The following PTPRZ1 variants were observed in gnomAD, a reference collection of about 807,000 sequenced individuals.
PTPRZ1 encodes protein tyrosine phosphatase receptor type Z1.
A neutral mutation model predicts 214.1 loss-of-function variants in PTPRZ1; 82 were observed. The ratio of observed to expected loss-of-function variants is 0.38; its 90% CI spans 0.32 to 0.46. The LOEUF (loss-of-function observed/expected upper bound fraction) is 0.46, where lower values mean the gene tolerates loss of function less well. Ranked by LOEUF, PTPRZ1 falls within the 20% of genes least tolerant of loss-of-function variation. The pLI, the probability that PTPRZ1 is intolerant of heterozygous loss-of-function variation, is 1.00. For synonymous variants in PTPRZ1, 945 were observed against 987.9 expected (o/e 0.96, Z 0.81); for missense variants, 2,603 against 2,748.7 (o/e 0.95, Z 1.19).
chr7:121,984,224 T>A, intron 8 of PTPRZ1, 107 bp downstream of exon 8: 1 of 985,682 alleles, frequency 1.0e-6, no homozygotes, highest in Non-Finnish European at 1.4e-6. Flanking sequence ...AGAAATGTTT[T>A]AATTATTAAT....
chr7:121,920,211 A>G (rs1490006401), intron 1 of PTPRZ1, among the ~76,000 whole-genome samples: 1 of 152,182 alleles, frequency 6.6e-6, no homozygotes, highest in Non-Finnish European at 1.5e-5. Context: ...CCCCAATCAG[A>G]AAGGGGCACA....
intron 2 of PTPRZ1, among the ~76,000 whole-genome samples, chr7:121,928,721 T>G (rs1005690362): frequency 6.6e-6 from 1 of 152,238 alleles, no homozygotes. Context: ...ATTACTGTTG[T>G]TAATTTATTG....
chr7:122,012,184 A>G lies in PTPRZ1; in HGVS notation c.3138A>G (p.Ile1046Met), dbSNP rs779965554. 4 of 1,613,964 alleles carry G rather than the reference A, an allele frequency of 2.5e-6. No individual in the cohort carries two copies. Among genetic ancestry groups the G allele is most frequent in the Non-Finnish European group, 3.4e-6 (4 of 1,179,852 alleles). The change falls in exon 12 of 30, where the codon ATA becomes ATG. Residue 1046 changes from isoleucine (I) to methionine (M), a missense_variant. By Grantham distance (10) the Ile-to-Met change is conservative. This residue lies in a region of PTPRZ1 where 1,913 missense variants were observed against 1,914.3 expected (regional missense o/e 1.00). Transcript: ENST00000393386. ...ATAAGGCGCTTTCTAAAAGTGAAATAATATATGGAAATGAGACTGAACTGC... is the reference window on the plus strand; with the variant it reads ...ATAAGGCGCTTTCTAAAAGTGAAATGATATATGGAAATGAGACTGAACTGC... ...DDNKALSKSE[I>M]IYGNETELQI... is the part of the protein sequence containing the mutation.
intron 1 of PTPRZ1, among the ~76,000 whole-genome samples, chr7:121,885,959 G>A (rs1267854222): frequency 1.3e-5 from 2 of 152,110 alleles, no homozygotes; most frequent in African/African-American, 4.8e-5. Context: ...ACCCTTTTAT[G>A]GTGACATGGG....
At chr7:121,923,445 T>TATCTGAAATAC (rs1488887535) in intron 1 of PTPRZ1, among the ~76,000 whole-genome samples, 2 of 152,188 alleles carry the variant, frequency 1.3e-5, no homozygotes, top group Admixed American at 6.5e-5. Context: ...TTATTTTTCT[T>TATCTGAAATAC]AGGAGCACTG....
Position 122,012,484 on chromosome 7 carries a change from A to G in PTPRZ1, c.3438A>G (p.Ala1146=), listed in dbSNP as rs772672305. 6.2e-7 allele frequency: 1 copy of G among 1,614,092 alleles called. No individual in the cohort carries two copies. The highest frequency in any genetic ancestry group is 8.5e-7 in the Non-Finnish European group (1 of 1,180,000). ...CTTCGCTTAAACCTGTGCTTAGTGC[A>G]AACTCAGAGCCAGCATCCTCTGACC... ...GDTSLKPVLS[A]NSEPASSDPA... Residue 1146 remains alanine, a synonymous_variant, in exon 12 of 30, where the codon GCA becomes GCG. Transcript: ENST00000393386.
At chr7:121,924,590 A>G (rs1005577070) in intron 1 of PTPRZ1, among the ~76,000 whole-genome samples, 1 of 152,222 alleles carries the variant, frequency 6.6e-6, no homozygotes, top group Non-Finnish European at 1.5e-5. Flanking sequence ...TTCATTGTGT[A>G]GGGATAAAAC....
intron 2 of PTPRZ1, among the ~76,000 whole-genome samples, chr7:121,941,434 G>T (rs144999172): frequency 7.0e-4 from 106 of 152,272 alleles, no homozygotes; most frequent in Non-Finnish European, 1.3e-3. Context: ...AAAACTTCTG[G>T]TTCCAAAGCC....
At chr7:121,878,614 G>C (rs1794137061) in intron 1 of PTPRZ1, among the ~76,000 whole-genome samples, 1 of 152,114 alleles carries the variant, frequency 6.6e-6, no homozygotes, top group Admixed American at 6.6e-5. Flanking sequence ...GCTGGTTCGG[G>C]AGTGAGTGCT....
At chr7:122,016,900 A>G (rs2116676685) in intron 12 of PTPRZ1, among the ~76,000 whole-genome samples, 1 of 152,234 alleles carries the variant, frequency 6.6e-6, no homozygotes, top group Non-Finnish European at 1.5e-5. Context: ...GATCAAAATC[A>G]ACTGGAGGAC....
chr7:121,939,545 A>G (rs1318484954), intron 2 of PTPRZ1, among the ~76,000 whole-genome samples: 1 of 152,250 alleles, frequency 6.6e-6, no homozygotes, highest in African/African-American at 2.4e-5. Flanking sequence ...TATGCATATA[A>G]CATACTCATA....
At chr7:122,059,726 G>C in intron 28 of PTPRZ1, 27 bp from the exon 29 acceptor site, 1 of 1,582,780 alleles carries the variant, frequency 6.3e-7, no homozygotes, top group Non-Finnish European at 8.5e-7. Context: ...TGGAGTCTTT[G>C]TTCCTTTTCT....
At chr7:122,032,965 T>G (rs1001699147) in intron 15 of PTPRZ1, among the ~76,000 whole-genome samples, 1 of 152,090 alleles carries the variant, frequency 6.6e-6, no homozygotes, top group Non-Finnish European at 1.5e-5. Flanking sequence ...ATAGAAATTA[T>G]CAGGCTAACA....
rs762296046 is a variant in PTPRZ1 at position 122,061,168 on chromosome 7, G to A, written c.6896G>A (p.Gly2299Asp). 1.2e-6 allele frequency: 2 copies of A among 1,609,920 alleles called. No individual in the cohort carries two copies. Among genetic ancestry groups the A allele is most frequent in the South Asian group, 1.1e-5 (1 of 90,462 alleles). ...CCATCCACCTCTCTGGACAGTAATG[G>A]TGCAGCATTGCCTGATGGAAATATA... is the stretch of plus-strand genomic sequence containing the variant. Reference protein sequence around the residue: ...ENPSTSLDSNGAALPDGNIAE... With the variant: ...ENPSTSLDSNDAALPDGNIAE... Residue 2299 changes from glycine to aspartate, a missense_variant, in exon 30 of 30, where the codon GGT (glycine) becomes GAT (aspartate). Transcript: ENST00000393386.
intron 8 of PTPRZ1, among the ~76,000 whole-genome samples, chr7:121,991,956 T>C (rs1329265206): frequency 6.6e-6 from 1 of 152,202 alleles, no homozygotes; most frequent in Admixed American, 6.5e-5. Context: ...TCAGCAGTCA[T>C]TGTCTTACTA....
intron 1 of PTPRZ1, among the ~76,000 whole-genome samples, chr7:121,914,773 G>T (rs534410161): frequency 6.6e-6 from 1 of 152,148 alleles, no homozygotes. Flanking sequence ...TCTTCTTGAG[G>T]GTTTTTACTG....
chr7:121,947,162 C>T (rs959243364), intron 2 of PTPRZ1, among the ~76,000 whole-genome samples: 2 of 151,780 alleles, frequency 1.3e-5, no homozygotes, highest in African/African-American at 4.8e-5. Context: ...GGCTGAAGTA[C>T]TCAGTGTCAG....
intron 2 of PTPRZ1, among the ~76,000 whole-genome samples, chr7:121,945,717 AT>A (rs1249660546): frequency 6.6e-6 from 1 of 152,104 alleles, no homozygotes; most frequent in Admixed American, 6.5e-5. Flanking sequence ...ACCTCTTCTT[AT>A]ACACACCCTA....
At chr7:121,994,679 G>A (rs542356878) in intron 8 of PTPRZ1, among the ~76,000 whole-genome samples, 1 of 152,186 alleles carries the variant, frequency 6.6e-6, no homozygotes, top group Admixed American at 6.5e-5. Flanking sequence ...AAGCAAGAAC[G>A]AGCTTGTTGC....
Sources: gnomAD v4.1 joint callset for allele counts (sites outside exome capture counted in the v4.1 genomes callset) on GRCh38, gnomAD v4.1.1 for gene constraint, gnomAD v4.1.1 regional missense constraint, MANE v1.5 for transcripts, NCBI Gene and HGNC (gene_info 2026-07-23, HGNC 2026-07-21) for gene names.